Variants in KIAA1217 observed in about 807,000 individuals in gnomAD.
KIAA1217 encodes KIAA1217.
Under a neutral mutation model 163.9 loss-of-function variants are expected in KIAA1217, and 88 were observed. The ratio of observed to expected loss-of-function variants is 0.54; its 90% CI spans 0.45 to 0.64. The LOEUF is 0.64. KIAA1217 is among the 30% of genes least tolerant of loss of function. The probability of loss-of-function intolerance (pLI) is 0.00; values close to 1 mark genes in which losing one functional copy is unlikely to be tolerated. For missense variants in KIAA1217, 2,372 were observed against 2,475.0 expected (o/e 0.96, Z 0.88); for synonymous variants, 903 against 923.1 (o/e 0.98, Z 0.39).
chr10:23,812,295 G>A (rs1172778060), intron 1 of KIAA1217, among the ~76,000 whole-genome samples: 1 of 152,096 alleles, frequency 6.6e-6, no homozygotes, highest in Non-Finnish European at 1.5e-5. Flanking sequence ...CAGAATATAT[G>A]TATAATCTAT....
chr10:24,261,361 G>A (rs984591788), intron 2 of KIAA1217, among the ~76,000 whole-genome samples: 1 of 152,050 alleles, frequency 6.6e-6, no homozygotes, highest in Non-Finnish European at 1.5e-5. Flanking sequence ...GCTGGACCTA[G>A]TGGTGGGCGT....
chr10:24,229,223 T>C (rs2071022706), intron 2 of KIAA1217, among the ~76,000 whole-genome samples: 1 of 152,246 alleles, frequency 6.6e-6, no homozygotes, highest in African/African-American at 2.4e-5. Flanking sequence ...TACTATACAC[T>C]GTTCAGTAAG....
intron 2 of KIAA1217, among the ~76,000 whole-genome samples, chr10:24,167,380 G>A (rs1052170092): frequency 6.6e-6 from 1 of 151,810 alleles, no homozygotes; most frequent in Non-Finnish European, 1.5e-5. Flanking sequence ...TCACAATATT[G>A]TAGGATTCAA....
At chr10:23,971,153 C>T (rs539170485) in intron 1 of KIAA1217, among the ~76,000 whole-genome samples, 4 of 152,246 alleles carry the variant, frequency 2.6e-5, no homozygotes, top group Non-Finnish European at 5.9e-5. Context: ...GTGGCCTGCC[C>T]GCCCTTGGGA....
chr10:23,875,349 G>A (rs1348139367), intron 1 of KIAA1217, among the ~76,000 whole-genome samples: 1 of 151,962 alleles, frequency 6.6e-6, no homozygotes, highest in Non-Finnish European at 1.5e-5. Flanking sequence ...TATTGCATTG[G>A]GAAAATATAA....
rs144392217 is a variant in KIAA1217, at chr10:24,086,066, C to T, written c.-171+78692C>T. The stretch of plus-strand genomic sequence containing the variant: ...ACACCCCCACCACACAGAAACACCC[C>T]TGATTGATGCCCCTCAGCCTCCTAC... On this transcript the variant is annotated intron_variant, in intron 2 of 18. Coordinates refer to the KIAA1217 transcript ENST00000376462. Among the ~76,000 whole-genome samples, 485 of 152,188 alleles carry T rather than the reference C, an allele frequency of 3.2e-3. 6 individuals are homozygous for T. Among genetic ancestry groups the T allele is most frequent in the African/African-American group, 0.011 (473 of 41,518 alleles).
At chr10:24,192,863 C>T (rs937976822) in intron 2 of KIAA1217, among the ~76,000 whole-genome samples, 6 of 152,232 alleles carry the variant, frequency 3.9e-5, no homozygotes, top group Admixed American at 3.3e-4. Flanking sequence ...TCCCTGTGGC[C>T]TCAGACTCCT....
At chr10:24,498,436 T>A (rs562063732) in intron 8 of KIAA1217, among the ~76,000 whole-genome samples, 19 of 152,278 alleles carry the variant, frequency 1.2e-4, no homozygotes, top group African/African-American at 4.3e-4. Context: ...AAGAGCCATT[T>A]CAGAGAATGA....
intron 1 of KIAA1217, among the ~76,000 whole-genome samples, chr10:23,983,399 G>A (rs987828371): frequency 1.3e-5 from 2 of 152,190 alleles, no homozygotes; most frequent in African/African-American, 4.8e-5. Context: ...GAACCATAGT[G>A]GTTTCTGCTT....
In KIAA1217 at chr10:24,186,059, CAT is replaced by C. The variant is rs368951993; in HGVS notation, c.-170-33566_-170-33565del. Among the ~76,000 whole-genome samples, 991 of 152,244 alleles carry C rather than the reference CAT, an allele frequency of 6.5e-3. 18 individuals carry two copies. Among genetic ancestry groups the C allele is most frequent in the African/African-American group, 0.023 (950 of 41,538 alleles). ...TTCCCTTCTCCTCCCCTTCCCAACA[CAT>C]GTTAGCAATATTATTTTTAAATGGT... On this transcript the variant is annotated intron_variant, in intron 2 of 18. Transcript: ENST00000376462.
intron 2 of KIAA1217, among the ~76,000 whole-genome samples, chr10:24,143,709 T>C (rs2064182425): frequency 6.6e-6 from 1 of 150,962 alleles, no homozygotes; most frequent in African/African-American, 2.4e-5. Context: ...AGAACCAGGG[T>C]GTGATTGGTT....
At chr10:23,748,566 A>G (rs1017758341) in intron 1 of KIAA1217, among the ~76,000 whole-genome samples, 9 of 35,464 alleles carry the variant, frequency 2.5e-4, no homozygotes, top group Middle Eastern at 0.025. Flanking sequence ...GAGGAGGGGG[A>G]GGGGGACGGA....
intron 3 of KIAA1217, among the ~76,000 whole-genome samples, chr10:24,406,820 A>C (rs1236801510): frequency 2.0e-5 from 3 of 152,186 alleles, no homozygotes; most frequent in African/African-American, 7.2e-5. Flanking sequence ...GGAAGTATTG[A>C]AGTAAACCCA....
At chr10:24,398,169 T>A (rs1253127058) in intron 3 of KIAA1217, among the ~76,000 whole-genome samples, 3 of 152,192 alleles carry the variant, frequency 2.0e-5, no homozygotes, top group African/African-American at 4.8e-5. Flanking sequence ...TATTCGTATG[T>A]TCTATGTATT....
intron 2 of KIAA1217, among the ~76,000 whole-genome samples, chr10:24,298,773 G>A (rs549720767): frequency 1.8e-4 from 28 of 152,100 alleles, no homozygotes; most frequent in African/African-American, 6.5e-4. Flanking sequence ...ACTCCAGCCT[G>A]GGCGACAGAG....
intron 1 of KIAA1217, among the ~76,000 whole-genome samples, chr10:23,697,035 A>G (rs1836088084): frequency 6.6e-6 from 1 of 152,206 alleles, no homozygotes; most frequent in African/African-American, 2.4e-5. Flanking sequence ...ATATCCTTAA[A>G]CAAGTGTTTG....
intron 5 of KIAA1217, among the ~76,000 whole-genome samples, chr10:24,447,161 TGA>T (rs1429499309): frequency 1.3e-5 from 2 of 152,172 alleles, no homozygotes; most frequent in African/African-American, 2.4e-5. Context: ...CTGACTGCAC[TGA>T]GTTATTGATG....
intron 2 of KIAA1217, among the ~76,000 whole-genome samples, chr10:24,095,294 A>C (rs1157466547): frequency 6.6e-6 from 1 of 152,162 alleles, no homozygotes. Context: ...CTGGTACCTC[A>C]GTTGGAAATG....
intron 1 of KIAA1217, among the ~76,000 whole-genome samples, chr10:23,759,118 T>C (rs1285245649): frequency 1.3e-5 from 2 of 152,196 alleles, no homozygotes; most frequent in Non-Finnish European, 2.9e-5. Context: ...TAGTTTCTAT[T>C]GTTTGTTTTT....
Sources: allele counts gnomAD v4.1 joint callset (sites outside exome capture counted in the v4.1 genomes callset), GRCh38; gene constraint gnomAD v4.1.1; transcripts MANE v1.5; gene names NCBI Gene and HGNC (gene_info 2026-07-23, HGNC 2026-07-21).